The following NAALADL2 variants were observed in gnomAD, a reference collection of about 807,000 sequenced individuals.
NAALADL2 encodes the protein inactive N-acetylated-alpha-linked acidic dipeptidase-like protein 2.
A neutral mutation model predicts 87.2 loss-of-function variants in NAALADL2; 76 were observed. The observed-to-expected ratio is 0.87, with a 90% confidence interval of 0.72 to 1.05. NAALADL2 has a LOEUF of 1.05. Among genes scored for constraint, NAALADL2 ranks in the 50% least tolerant of loss-of-function variants. The probability of loss-of-function intolerance (pLI) is 0.00; values close to 1 mark genes in which losing one functional copy is unlikely to be tolerated. For synonymous variants in NAALADL2, 354 were observed against 331.0 expected (o/e 1.07, Z -0.75); for missense variants, 1,089 against 945.8 (o/e 1.15, Z -1.99).
chr3:174,446,192 G>A (rs1439839511), intron 1 of NAALADL2, among the ~76,000 whole-genome samples: 7 of 152,116 alleles, frequency 4.6e-5, no homozygotes, highest in African/African-American at 1.7e-4. Context: ...TATGCTCTGG[G>A]TATTAATTAC....
intron 3 of NAALADL2, among the ~76,000 whole-genome samples, chr3:174,843,892 G>A (rs909070627): frequency 1.2e-4 from 18 of 152,074 alleles, no homozygotes; most frequent in African/African-American, 4.1e-4. Context: ...TTGTTTTTGA[G>A]TTGTTTAAAG....
At chr3:174,530,770 C>T (rs1404497254) in intron 1 of NAALADL2, among the ~76,000 whole-genome samples, 1 of 152,160 alleles carries the variant, frequency 6.6e-6, no homozygotes, top group Admixed American at 6.5e-5. Flanking sequence ...CCTCCCACAA[C>T]ACGTGGGAAT....
At chr3:174,903,959 A>T (rs564655112) in intron 1 of NAALADL2, among the ~76,000 whole-genome samples, 1 of 110,702 alleles carries the variant, frequency 9.0e-6, no homozygotes, top group East Asian at 1.9e-4. Context: ...AGGAATATCT[A>T]TATCTATATC....
At chr3:174,707,091 T>C (rs1365907019) in intron 2 of NAALADL2, among the ~76,000 whole-genome samples, 2 of 152,048 alleles carry the variant, frequency 1.3e-5, no homozygotes, top group Non-Finnish European at 2.9e-5. Flanking sequence ...AAAACCACAA[T>C]GAGATATCAT....
At chr3:175,211,857 A>G (rs1004123837) in intron 2 of NAALADL2, among the ~76,000 whole-genome samples, 2 of 152,088 alleles carry the variant, frequency 1.3e-5, no homozygotes, top group Non-Finnish European at 2.9e-5. Context: ...ATTACGAAAA[A>G]TATTTGCCCA....
At position 175,681,059 on chromosome 3, in the gene NAALADL2, G is replaced by A. The variant is rs531135466; in HGVS notation, c.1896+53673G>A. The stretch of plus-strand genomic sequence containing the variant: ...ACCCGGGAGGTGGAGGTTGCCGTGA[G>A]CCGAGATCGTGCCACTGCACTTCAG... On this transcript the variant is annotated intron_variant, in intron 11 of 13. Coordinates refer to ENST00000454872, the MANE Select transcript of NAALADL2 (RefSeq NM_207015.3). Among the ~76,000 whole-genome samples the A allele has an allele frequency of 3.5e-4, 54 of 152,274 alleles. 1 individual carries two copies. Among genetic ancestry groups the A allele is most frequent in the African/African-American group, 1.3e-3 (53 of 41,562 alleles).
At chr3:174,790,648 C>CA (rs11317129) in intron 3 of NAALADL2, among the ~76,000 whole-genome samples, 20 of 146,692 alleles carry the variant, frequency 1.4e-4, no homozygotes, top group African/African-American at 4.5e-4. Context: ...AACTCCATCT[C>CA]AAAAAAAAAA....
At chr3:174,932,002 AAATC>A (rs1736972693) in intron 1 of NAALADL2, among the ~76,000 whole-genome samples, 1 of 152,346 alleles carries the variant, frequency 6.6e-6, no homozygotes, top group East Asian at 1.9e-4. Flanking sequence ...TTAATAGTTG[AAATC>A]AATCCAGTGA....
At chr3:175,340,206 T>A (rs1349781210) in intron 5 of NAALADL2, among the ~76,000 whole-genome samples, 2 of 152,150 alleles carry the variant, frequency 1.3e-5, no homozygotes, top group Non-Finnish European at 2.9e-5. Context: ...TCTTGTTAAG[T>A]ATAAGGAATG....
At chr3:175,032,890 T>C (rs1288208720) in intron 1 of NAALADL2, among the ~76,000 whole-genome samples, 2 of 152,002 alleles carry the variant, frequency 1.3e-5, no homozygotes, top group East Asian at 3.9e-4. Flanking sequence ...CTTTCAACTA[T>C]AGCATTTTCT....
At chr3:174,817,470 C>T (rs1389517482) in intron 3 of NAALADL2, among the ~76,000 whole-genome samples, 2 of 152,002 alleles carry the variant, frequency 1.3e-5, no homozygotes, top group African/African-American at 4.8e-5. Flanking sequence ...GGCACGGTGC[C>T]ACATACTTAC....
chr3:175,335,952 G>A (rs1761926193), intron 5 of NAALADL2, among the ~76,000 whole-genome samples: 2 of 152,208 alleles, frequency 1.3e-5, no homozygotes, highest in South Asian at 4.2e-4. Flanking sequence ...CTGGAAACGT[G>A]TCAGGTAATT....
At chr3:174,860,175 T>C (rs1240904018) in intron 1 of NAALADL2, among the ~76,000 whole-genome samples, 2 of 152,164 alleles carry the variant, frequency 1.3e-5, no homozygotes, top group African/African-American at 2.4e-5. Context: ...ATATTTGTTA[T>C]AGACTTCTAG....
chr3:175,661,920 G>A (rs2149813920), intron 11 of NAALADL2, among the ~76,000 whole-genome samples: 1 of 152,032 alleles, frequency 6.6e-6, no homozygotes, highest in African/African-American at 2.4e-5. Flanking sequence ...TTTGAAGTCA[G>A]GAAGCGTGAT....
At chr3:175,750,427 C>T (rs1216619208) in intron 12 of NAALADL2, among the ~76,000 whole-genome samples, 1 of 152,080 alleles carries the variant, frequency 6.6e-6, no homozygotes, top group East Asian at 1.9e-4. Context: ...CCCCTCCCTC[C>T]TTCCTTCTTT....
In NAALADL2 at chr3:175,256,471, A is replaced by G; in HGVS notation, c.880A>G (p.Lys294Glu). Residue 294 changes from lysine to glutamate, a missense_variant, in exon 4 of 14, where the codon AAA (lysine) becomes GAA (glutamate). Lys to Glu is a moderately conservative substitution (Grantham distance 56, BLOSUM62 1). Transcript: ENST00000454872. ...ADDLKRIRKI[K>E]NVTNQIALLK... ...TGATTTAAAAAGGATTAGGAAAATA[A>G]AAAACGTAACAAATCAGATCGCACT... is the stretch of plus-strand genomic sequence containing the variant. The G allele has an allele frequency of 6.2e-7, 1 of 1,612,822 alleles. No individual in the cohort carries two copies. The highest frequency in any genetic ancestry group is 1.7e-5 in the Admixed American group (1 of 59,822).
intron 2 of NAALADL2, among the ~76,000 whole-genome samples, chr3:175,217,243 A>G (rs887814563): frequency 6.6e-6 from 1 of 152,214 alleles, no homozygotes; most frequent in African/African-American, 2.4e-5. Context: ...GTATAAATGC[A>G]TATAAAAATC....
intron 2 of NAALADL2, among the ~76,000 whole-genome samples, chr3:174,565,739 A>C (rs1321914407): frequency 1.3e-5 from 2 of 152,004 alleles, no homozygotes; most frequent in Non-Finnish European, 2.9e-5. Context: ...TTTTGTAAGA[A>C]ACTGCTAAAT....
rs530588138 is a variant in NAALADL2, at chr3:174,694,194, A to G, written c.-114-43447A>G. ...ATCCCTTCCTCTTCATACCACATTG[A>G]GTCAGAATTAGAGACCTAACTCCAA... On this transcript the variant is annotated intron_variant, in intron 2 of 3. Coordinates refer to the NAALADL2 transcript ENST00000434257. Among the ~76,000 whole-genome samples the G allele has an allele frequency of 5.3e-5, 8 of 152,174 alleles. No homozygotes were observed. The South Asian group carries it at 8.3e-4, about 16-fold the overall frequency.
Sources: allele counts gnomAD v4.1 joint callset (sites outside exome capture counted in the v4.1 genomes callset), GRCh38; gene constraint gnomAD v4.1.1; transcripts MANE v1.5; gene names NCBI Gene and HGNC (gene_info 2026-07-23, HGNC 2026-07-21).